HDAC8: variants seen among roughly 807,000 people sequenced by gnomAD.
The protein encoded by HDAC8 is histone deacetylase-like 1.
A neutral mutation model predicts 32.2 loss-of-function variants in HDAC8; 1 was observed. That is an observed-to-expected ratio of 0.03 (90% confidence interval 0.01 to 0.15). The LOEUF (loss-of-function observed/expected upper bound fraction) is 0.15, where lower values mean the gene tolerates loss of function less well. Among genes scored for constraint, HDAC8 ranks in the 10% least tolerant of loss-of-function variants. The pLI, the probability that HDAC8 is intolerant of heterozygous loss-of-function variation, is 1.00. For missense variants in HDAC8, 117 were observed against 300.0 expected (o/e 0.39, Z 4.51); for synonymous variants, 108 against 113.9 (o/e 0.95, Z 0.33).
chrX:72,462,185 G>T, intron 8 of HDAC8, 87 bp from the exon 9 acceptor site: 2 of 738,472 alleles, frequency 2.7e-6, no homozygotes, highest in Non-Finnish European at 4.1e-6. Flanking sequence ...AGAGAAAAAT[G>T]TTTTAAGAAA....
intron 9 of HDAC8, among the ~76,000 whole-genome samples, chrX:72,403,162 A>C (rs1555967870): frequency 9.0e-6 from 1 of 111,345 alleles, no homozygotes; most frequent in African/African-American, 3.3e-5. Context: ...GTTGTTATCG[A>C]TATGTTTGGA....
chrX:72,491,493 T>C (rs1275966693), intron 5 of HDAC8, among the ~76,000 whole-genome samples: 1 of 112,250 alleles, frequency 8.9e-6, no homozygotes, highest in Admixed American at 9.4e-5. Context: ...AATAGAAACA[T>C]TAGCCATTAT....
At chrX:72,408,115 G>A (rs1217016248) in intron 9 of HDAC8, among the ~76,000 whole-genome samples, 1 of 111,890 alleles carries the variant, frequency 8.9e-6, no homozygotes, top group African/African-American at 3.3e-5. Flanking sequence ...GTGAATAAGG[G>A]AGAAAAAATC....
chrX:72,338,462 A>G (rs1398621992), intron 10 of HDAC8, among the ~76,000 whole-genome samples: 1 of 109,495 alleles, frequency 9.1e-6, no homozygotes, highest in Non-Finnish European at 1.9e-5. Context: ...TCAGCATCAC[A>G]GCAGTTTGGA....
intron 10 of HDAC8, 87 bp from the exon 11 acceptor site, chrX:72,330,163 T>C: frequency 1.3e-6 from 1 of 794,258 alleles, no homozygotes; most frequent in Non-Finnish European, 1.9e-6. Flanking sequence ...AAAGCACTTA[T>C]ATTTTGGGGC....
Position 72,330,179 on chromosome X carries a change from C to T in HDAC8, c.1112-103G>A, listed in dbSNP as rs782202446. 176 of 640,811 alleles carry T rather than the reference C, an allele frequency of 2.7e-4. 2 individuals are homozygous for T. In the South Asian group the frequency reaches 4.6e-3, roughly 17 times the overall value. 52.8% of individuals were successfully genotyped at this position (640,811 alleles called of 1,213,427 possible). A position where few individuals can be genotyped will look rare whatever the true frequency, so the allele number is the denominator to read the frequency against. On this transcript the variant is annotated intron_variant, in intron 10 of 10. Coordinates refer to ENST00000373573, the MANE Select transcript of HDAC8 (RefSeq NM_018486.3). ...AAGCACTTATATTTTGGGGCTTATT[C>T]TCTGCTGCTCTTGGGAACTCTGTGA...
At chrX:72,485,848 G>A (rs1160673563) in intron 7 of HDAC8, among the ~76,000 whole-genome samples, 2 of 111,678 alleles carry the variant, frequency 1.8e-5, no homozygotes, top group Non-Finnish European at 3.8e-5. Context: ...GGGGCTAGGC[G>A]TGGTGGCTCA....
At chrX:72,515,595 GGGT>G (rs2049777164) in intron 4 of HDAC8, among the ~76,000 whole-genome samples, 1 of 81,944 alleles carries the variant, frequency 1.2e-5, no homozygotes, top group Admixed American at 1.4e-4. Flanking sequence ...TGTGGGGGGG[GGGT>G]GGGGGGGAAG....
intron 9 of HDAC8, among the ~76,000 whole-genome samples, chrX:72,370,310 A>C (rs1288724540): frequency 7.1e-5 from 8 of 112,106 alleles, no homozygotes; most frequent in Admixed American, 3.8e-4. Flanking sequence ...AACTAGGTAA[A>C]ATTTAACAGA....
intron 9 of HDAC8, among the ~76,000 whole-genome samples, chrX:72,455,285 A>G (rs1015226745): frequency 1.5e-4 from 17 of 112,170 alleles, no homozygotes; most frequent in Non-Finnish European, 2.4e-4. Context: ...ACATGCACTT[A>G]TAGTAAAATA....
At chrX:72,446,493 C>T (rs1374112419) in intron 9 of HDAC8, among the ~76,000 whole-genome samples, 4 of 109,345 alleles carry the variant, frequency 3.7e-5, no homozygotes, top group Admixed American at 2.0e-4. Context: ...AATGAGAACA[C>T]GTGGACACAG....
At chrX:72,560,026 A>C (rs1328526017) in intron 4 of HDAC8, among the ~76,000 whole-genome samples, 1 of 112,984 alleles carries the variant, frequency 8.9e-6, no homozygotes, top group Non-Finnish European at 1.9e-5. Context: ...GGAAGTGAGG[A>C]GCCCCTCTGC....
rs189626893 is a variant in HDAC8 at position 72,365,383 on chromosome X, A to G, written c.1006-13545T>C. ...TAATCTCTGGTCTTGAGGAGCTTACAGTCTAGTAGAGAATGCAGACAAGTA... is the reference window on the plus strand; with the variant it reads ...TAATCTCTGGTCTTGAGGAGCTTACGGTCTAGTAGAGAATGCAGACAAGTA... On this transcript the variant is annotated intron_variant, in intron 9 of 10. Coordinates refer to ENST00000373573, the MANE Select transcript of HDAC8 (RefSeq NM_018486.3). 8.9e-5 allele frequency among the ~76,000 whole-genome samples: 10 copies of G among 112,143 alleles called. No individual in the cohort carries two copies. The East Asian group carries it at 2.2e-3, about 25-fold the overall frequency.
rs182176891 is a variant in HDAC8 at position 72,457,985 on chromosome X, C to G, written c.1005+4019G>C. Among the ~76,000 whole-genome samples the G allele has an allele frequency of 1.3e-3, 149 of 111,519 alleles. 2 individuals are homozygous for G. The highest frequency in any genetic ancestry group is 4.4e-3 in the African/African-American group (135 of 30,715). On this transcript the variant is annotated intron_variant, in intron 9 of 10. Transcript: ENST00000373573. ...ATTAGTAAACCTATGTGATGATACA[C>G]ATATACATACACACACACACACACA...
At chrX:72,334,157 G>A (rs1203354124) in intron 10 of HDAC8, among the ~76,000 whole-genome samples, 1 of 111,518 alleles carries the variant, frequency 9.0e-6, no homozygotes, top group African/African-American at 3.3e-5. Context: ...TTCCAGCAGT[G>A]GGTGGCAGCC....
chrX:72,488,100 T>C (rs1556007071), intron 7 of HDAC8, among the ~76,000 whole-genome samples: 1 of 111,657 alleles, frequency 9.0e-6, no homozygotes, highest in East Asian at 2.8e-4. Flanking sequence ...TTTTATTTTT[T>C]AATAGTTCTG....
intron 10 of HDAC8, among the ~76,000 whole-genome samples, chrX:72,350,467 G>C (rs1467135413): frequency 9.0e-6 from 1 of 111,159 alleles, no homozygotes; most frequent in African/African-American, 3.3e-5. Flanking sequence ...CATAGAACAG[G>C]CCTCCTTTTT....
intron 4 of HDAC8, among the ~76,000 whole-genome samples, chrX:72,526,721 A>C (rs1426301435): frequency 9.0e-6 from 1 of 111,480 alleles, no homozygotes; most frequent in Non-Finnish European, 1.9e-5. Flanking sequence ...CACCATGACC[A>C]ATGATGACAT....
chrX:72,411,342 A>G (rs898989291), intron 9 of HDAC8, among the ~76,000 whole-genome samples: 12 of 111,604 alleles, frequency 1.1e-4, no homozygotes, highest in African/African-American at 3.9e-4. Flanking sequence ...CCACCTTTTC[A>G]TATGCTGTTC....
Sources: allele counts gnomAD v4.1 joint callset (sites outside exome capture counted in the v4.1 genomes callset), GRCh38; gene constraint gnomAD v4.1.1; transcripts MANE v1.5; gene names NCBI Gene and HGNC (gene_info 2026-07-23, HGNC 2026-07-21).